Variants in COL19A1 observed in about 807,000 individuals in gnomAD.
COL19A1 encodes the protein collagen type XIX alpha 1 chain, also known as collagen alpha-1(XIX) chain.
A neutral mutation model predicts 190.2 loss-of-function variants in COL19A1; 159 were observed. The ratio of observed to expected loss-of-function variants is 0.84; its 90% confidence interval spans 0.73 to 0.95. The LOEUF (loss-of-function observed/expected upper bound fraction) is 0.95, where lower values mean the gene tolerates loss of function less well. COL19A1 is among the 40% of genes least tolerant of loss of function. The pLI, the probability that COL19A1 is intolerant of heterozygous loss-of-function variation, is 0.00. For missense variants in COL19A1, 1,418 were observed against 1,431.9 expected, an observed-to-expected ratio of 0.99 and a Z score of 0.16; for synonymous variants, 509 against 458.9, an observed-to-expected ratio of 1.11 and a Z score of -1.39.
intron 2 of COL19A1, among the ~76,000 whole-genome samples, chr6:69,895,184 C>T (rs779886126): frequency 3.9e-5 from 6 of 151,936 alleles, no homozygotes; most frequent in South Asian, 2.1e-4. Context: ...GTGTGGGGAT[C>T]GGCATGGAGC....
chr6:70,076,456 T>C (rs80002222), intron 15 of COL19A1, among the ~76,000 whole-genome samples: 2,049 of 152,284 alleles, frequency 0.013, 43 homozygotes, highest in African/African-American at 0.045. Flanking sequence ...GGGACAAATA[T>C]AGGTAGGTAC....
intron 11 of COL19A1, among the ~76,000 whole-genome samples, chr6:69,971,447 G>A (rs932160070): frequency 3.3e-5 from 5 of 152,114 alleles, no homozygotes; most frequent in South Asian, 2.1e-4. Context: ...AAACCCTCAC[G>A]AGAACTAGCT....
rs1424723979 is a variant in COL19A1, at chr6:70,190,395, A to G, written c.3094+14A>G. On this transcript the variant is annotated intron_variant, in intron 48 of 50. Transcript: ENST00000620364. ...GGATTTTTGAAGGTTAGATTTTCTT[A>G]ATAACATTTTCGAATTTTTCACTGA... The G allele has an allele frequency of 6.4e-7, 1 of 1,569,122 alleles. No individual in the cohort carries two copies. Among genetic ancestry groups the G allele is most frequent in the South Asian group, 1.1e-5 (1 of 88,176 alleles).
At chr6:70,199,390 T>C (rs1767404414) in intron 48 of COL19A1, among the ~76,000 whole-genome samples, 1 of 152,222 alleles carries the variant, frequency 6.6e-6, no homozygotes, top group East Asian at 1.9e-4. Context: ...TCTCAGACTT[T>C]CTGAGTGACA....
At chr6:69,887,000 T>C (rs964479396) in intron 2 of COL19A1, among the ~76,000 whole-genome samples, 3 of 152,228 alleles carry the variant, frequency 2.0e-5, no homozygotes, top group Non-Finnish European at 4.4e-5. Flanking sequence ...AGATATGAAA[T>C]GGCATTTGAT....
At chr6:69,915,931 C>T (rs1228786551) in intron 4 of COL19A1, among the ~76,000 whole-genome samples, 14 of 144,390 alleles carry the variant, frequency 9.7e-5, no homozygotes, top group Admixed American at 9.1e-4. Flanking sequence ...ACACTCATCT[C>T]ATCTTTTTTT....
intron 9 of COL19A1, among the ~76,000 whole-genome samples, chr6:69,956,472 A>G (rs183193636): frequency 1.1e-4 from 16 of 152,164 alleles, no homozygotes; most frequent in Non-Finnish European, 1.9e-4. Context: ...AAATAAAAGC[A>G]TTCAGATTGG....
chr6:70,211,809 C>A lies in COL19A1; in HGVS notation c.*4535C>A, dbSNP rs1768223401. Among the ~76,000 whole-genome samples the A allele has an allele frequency of 6.6e-6, 1 of 151,762 alleles. No homozygotes were observed. The highest frequency in any genetic ancestry group is 2.4e-5 in the African/African-American group (1 of 41,284). On this transcript the variant is annotated 3_prime_UTR_variant, in exon 51 of 51. Coordinates refer to ENST00000620364, the MANE Select transcript of COL19A1 (RefSeq NM_001858.6). ...AATTGAATGAAGAACCAAGTGAACA[C>A]AGAGAAAACTTATTCGGACAAGTAG...
chr6:69,885,728 ATT>A (rs56371611), intron 2 of COL19A1, among the ~76,000 whole-genome samples: 1 of 151,716 alleles, frequency 6.6e-6, no homozygotes, highest in African/African-American at 2.4e-5. Flanking sequence ...ATCACACAAT[ATT>A]TTTTTTCCTG....
intron 49 of COL19A1, among the ~76,000 whole-genome samples, chr6:70,205,074 A>T (rs1403983439): frequency 6.6e-6 from 1 of 152,210 alleles, no homozygotes; most frequent in Non-Finnish European, 1.5e-5. Context: ...TGTTCTCTCT[A>T]GGGTCTAGGA....
intron 11 of COL19A1, among the ~76,000 whole-genome samples, chr6:70,000,776 G>T (rs2150083844): frequency 6.6e-6 from 1 of 152,166 alleles, no homozygotes; most frequent in East Asian, 1.9e-4. Context: ...TTAGACCTTT[G>T]TCACATGGGT....
chr6:69,960,007 T>C lies in COL19A1; in HGVS notation c.948T>C (p.Gly316=), dbSNP rs780694891. Residue 316 remains glycine, a synonymous_variant, in exon 10 of 51, where the codon GGT becomes GGC. Transcript: ENST00000620364. ...KGHKGEPGEN[G]LHGAPGFPGQ... is the part of the protein sequence containing the mutation. Reference sequence around the variant, plus strand: ...TGTACTTCTTTTAGGGTGAAAATGGTTTACATGGTGCTCCAGGATTCCCTG... The same window carrying C: ...TGTACTTCTTTTAGGGTGAAAATGGCTTACATGGTGCTCCAGGATTCCCTG... 1 of 1,613,532 alleles carries C rather than the reference T, an allele frequency of 6.2e-7. No homozygotes were observed. Among genetic ancestry groups the C allele is most frequent in the Non-Finnish European group, 8.5e-7 (1 of 1,179,750 alleles).
intron 11 of COL19A1, among the ~76,000 whole-genome samples, chr6:69,987,074 T>G (rs1231209826): frequency 2.6e-5 from 4 of 152,004 alleles, no homozygotes; most frequent in Non-Finnish European, 5.9e-5. Flanking sequence ...GCATGACTTT[T>G]GATATTCCTT....
Position 70,160,833 on chromosome 6 carries a change from T to A in COL19A1, c.2293-1067T>A, listed in dbSNP as rs558515881. 6.9e-4 allele frequency among the ~76,000 whole-genome samples: 105 copies of A among 152,302 alleles called. 1 individual carries two copies. Among genetic ancestry groups the A allele is most frequent in the Non-Finnish European group, 1.2e-3 (80 of 68,000 alleles). On this transcript the variant is annotated intron_variant, in intron 34 of 50. Transcript: ENST00000620364. ...ATCTTTTAGGAAGTACATTTAAAAT[T>A]GTTTAAAAATTTAGACCCTGTGCTA...
intron 4 of COL19A1, among the ~76,000 whole-genome samples, chr6:69,914,131 T>G (rs1439294000): frequency 1.3e-5 from 2 of 152,160 alleles, no homozygotes; most frequent in Non-Finnish European, 2.9e-5. Context: ...CACATTGAAC[T>G]AGTGCTAATC....
intron 11 of COL19A1, among the ~76,000 whole-genome samples, chr6:70,002,425 G>C (rs1365971883): frequency 6.6e-6 from 1 of 151,450 alleles, no homozygotes; most frequent in Non-Finnish European, 1.5e-5. Context: ...GTTTCAGAAG[G>C]AATGGTACCA....
chr6:70,119,736 T>A (rs1264660819), intron 16 of COL19A1, among the ~76,000 whole-genome samples: 1 of 152,170 alleles, frequency 6.6e-6, no homozygotes, highest in Non-Finnish European at 1.5e-5. Context: ...CTCCTGTCAT[T>A]GTAAGGACTA....
intron 11 of COL19A1, among the ~76,000 whole-genome samples, chr6:69,970,876 G>A (rs1582562457): frequency 6.6e-6 from 1 of 152,140 alleles, no homozygotes; most frequent in East Asian, 1.9e-4. Context: ...AAAAATCATA[G>A]CAATTTATCT....
chr6:69,899,979 A>G (rs1464227120), intron 3 of COL19A1, among the ~76,000 whole-genome samples: 2 of 152,196 alleles, frequency 1.3e-5, no homozygotes, highest in South Asian at 2.1e-4. Context: ...TCCTAGGTCA[A>G]AGGAAATTAA....
Sources: allele counts gnomAD v4.1 joint callset (sites outside exome capture counted in the v4.1 genomes callset), GRCh38; gene constraint gnomAD v4.1.1; transcripts MANE v1.5; gene names NCBI Gene and HGNC (gene_info 2026-07-23, HGNC 2026-07-21).